Variants in LCT observed in about 807,000 individuals in gnomAD.
LCT encodes lactase, also known as lactase/phlorizin hydrolase.
LCT carries 90 observed loss-of-function variants against 173.0 expected under a neutral mutation model. The ratio of observed to expected loss-of-function variants is 0.52; its 90% CI spans 0.44 to 0.62. The LOEUF (loss-of-function observed/expected upper bound fraction) is 0.62. Among genes scored for constraint, LCT ranks in the 20% least tolerant of loss-of-function variants. The pLI, the probability that LCT is intolerant of heterozygous loss-of-function variation, is 0.00. For missense variants in LCT, 1,864 were observed against 2,431.4 expected, an observed-to-expected ratio of 0.77 and a Z score of 4.91; for synonymous variants, 853 against 957.6, an observed-to-expected ratio of 0.89 and a Z score of 2.02.
chr2:135,789,565 T>A lies in LCT; in HGVS notation c.5563+6A>T, dbSNP rs759732787. 3 of 1,609,190 alleles carry A rather than the reference T, an allele frequency of 1.9e-6. No homozygotes were observed. In the South Asian group the frequency reaches 3.3e-5, roughly 18 times the overall value. On this transcript the variant is annotated splice_donor_region_variant and intron_variant, in intron 16 of 16. Coordinates refer to ENST00000264162, the MANE Select transcript of LCT (RefSeq NM_002299.4). ...GGCTTTATTCCCTCCCAGAGCCACA[T>A]CTCACCTGGCTGGTGGAGACAAGCG... is the stretch of plus-strand genomic sequence containing the variant.
intron 1 of LCT, among the ~76,000 whole-genome samples, chr2:135,835,987 T>A (rs1483706330): frequency 3.8e-5 from 1 of 26,342 alleles, no homozygotes; most frequent in South Asian, 1.1e-3. Context: ...TATATATATA[T>A]ATATATATAT....
chr2:135,820,654 G>T (rs2077820338), intron 5 of LCT: 2 of 152,230 alleles, frequency 1.3e-5, no homozygotes, highest in African/African-American at 4.8e-5. Flanking sequence ...GTGACAAAGA[G>T]AACTCTAGTT....
At chr2:135,808,299 C>T (rs2077694039) in intron 8 of LCT, 144 bp downstream of exon 8, 2 of 815,730 alleles carry the variant, frequency 2.5e-6, no homozygotes. Context: ...AACATATAAC[C>T]CCCAAACAGA....
chr2:135,811,026 CAA>C (rs1017659333), intron 7 of LCT, among the ~76,000 whole-genome samples: 11 of 125,018 alleles, frequency 8.8e-5, no homozygotes, highest in Admixed American at 2.5e-4. Context: ...GACTCCGTCT[CAA>C]AAAAAAAAAA....
In LCT at chr2:135,795,044, C is replaced by CGT. The variant is rs35431508; in HGVS notation, c.4977-270_4977-269insAC. 1.7e-4 allele frequency among the ~76,000 whole-genome samples: 26 copies of CGT among 151,424 alleles called. No individual in the cohort carries two copies. In the East Asian group the frequency reaches 3.9e-3, roughly 23 times the overall value. ...ACACACACGCACCCACGCGCGCGCG[C>CGT]GCACACACACACACACACACACACA... On this transcript the variant is annotated intron_variant, in intron 13 of 16. Coordinates refer to ENST00000264162, the MANE Select transcript of LCT (RefSeq NM_002299.4).
intron 2 of LCT, among the ~76,000 whole-genome samples, chr2:135,831,832 G>A (rs1451399577): frequency 3.3e-5 from 5 of 152,190 alleles, no homozygotes; most frequent in Admixed American, 6.5e-5. Flanking sequence ...TACGGAGACC[G>A]GCGGTGGTTC....
chr2:135,804,148 G>A lies in LCT; in HGVS notation c.4465-20C>T, dbSNP rs1411856525. On this transcript the variant is annotated intron_variant, in intron 10 of 16. Transcript: ENST00000264162. ...GGTCACCTGGGAAGAAGCCAGATCA[G>A]CTGTTGCATCAGTCATGCTTTCCAT... 6 of 1,599,924 alleles carry A rather than the reference G, an allele frequency of 3.8e-6. No individual in the cohort carries two copies. Among genetic ancestry groups the A allele is most frequent in the Non-Finnish European group, 5.1e-6 (6 of 1,168,546 alleles).
At chr2:135,831,192 G>A (rs1216098022) in intron 2 of LCT, among the ~76,000 whole-genome samples, 3 of 152,210 alleles carry the variant, frequency 2.0e-5, no homozygotes, top group African/African-American at 7.2e-5. Flanking sequence ...GCATCAGGGT[G>A]AGTGAGGGAG....
chr2:135,810,038 TTTAA>T (rs1265125115), intron 7 of LCT, 45 bp from the exon 8 acceptor site: 1 of 1,365,174 alleles, frequency 7.3e-7, no homozygotes. Context: ...TATGGATTTA[TTTAA>T]TTGAGATGGG....
rs149670566 is a variant in LCT, at chr2:135,791,965, AACT to A, written c.5112-1087_5112-1085del. On this transcript the variant is annotated intron_variant, in intron 14 of 16. Transcript: ENST00000264162. ...TCACATTGTTAACTGTTGCTCCAAG[AACT>A]ACTGCTGGAACATACCAGAAAAACC... Among the ~76,000 whole-genome samples the A allele has an allele frequency of 3.2e-3, 487 of 152,360 alleles. 3 individuals carry two copies. The highest frequency in any genetic ancestry group is 0.011 in the African/African-American group (465 of 41,578).
intron 5 of LCT, among the ~76,000 whole-genome samples, chr2:135,821,148 T>G (rs2077825910): frequency 6.6e-6 from 1 of 152,246 alleles, no homozygotes; most frequent in East Asian, 1.9e-4. Flanking sequence ...CCCAAAGTTC[T>G]GGGATTACAG....
At chr2:135,805,720 G>A (rs1045833685) in intron 9 of LCT, among the ~76,000 whole-genome samples, 8 of 152,246 alleles carry the variant, frequency 5.3e-5, no homozygotes, top group Middle Eastern at 3.4e-3. Flanking sequence ...GGTCAATGAC[G>A]GACCTGATAT....
intron 1 of LCT, among the ~76,000 whole-genome samples, chr2:135,836,201 T>C (rs1679372115): frequency 6.6e-6 from 1 of 151,340 alleles, no homozygotes; most frequent in South Asian, 2.1e-4. Flanking sequence ...GTATTTTTAG[T>C]AGAGACGGGG....
At chr2:135,816,251 C>T (rs1019879987) in intron 6 of LCT, among the ~76,000 whole-genome samples, 1 of 152,192 alleles carries the variant, frequency 6.6e-6, no homozygotes, top group African/African-American at 2.4e-5. Flanking sequence ...TCCCTCTCTG[C>T]CTCCTCAGCT....
Position 135,810,143 on chromosome 2 carries a change from C to A in LCT, c.2354-150G>T, listed in dbSNP as rs369513478. ...GACTGACTACAGGAGTGAGCTAGTG[C>A]ACCATTATTTTATTTATTTATCTTT... On this transcript the variant is annotated intron_variant, in intron 7 of 16. Coordinates refer to ENST00000264162, the MANE Select transcript of LCT (RefSeq NM_002299.4). The A allele has an allele frequency of 1.2e-3, 777 of 631,170 alleles. 6 individuals are homozygous for A. The highest frequency in any genetic ancestry group is 9.8e-3 in the Admixed American group (348 of 35,608). The allele number at this position is 631,170 out of a possible 1,614,324, so 39.1% of individuals were successfully genotyped here. A position where few individuals can be genotyped will look rare whatever the true frequency, so the allele number is the denominator to read the frequency against.
chr2:135,788,241 T>A lies in LCT; in HGVS notation c.*83A>T, dbSNP rs1575328139. 3 of 976,286 alleles carry A rather than the reference T, an allele frequency of 3.1e-6. No homozygotes were observed. The East Asian group carries it at 7.1e-5, about 23-fold the overall frequency. The allele number at this position is 976,286 out of a possible 1,614,324, so 60.5% of individuals were successfully genotyped here. On this transcript the variant is annotated 3_prime_UTR_variant, in exon 17 of 17. Transcript: ENST00000264162. ...ATGGAGAAGTCCAGTATCAGCAGAG[T>A]CTAAGACCCTAAGGTGTTTGGTGGC...
At position 135,836,829 on chromosome 2, in the gene LCT, C is replaced by A. The variant is rs377420107; in HGVS notation, c.341G>T (p.Arg114Leu). 1 of 1,614,168 alleles carries A rather than the reference C, an allele frequency of 6.2e-7. No homozygotes were observed. Among genetic ancestry groups the A allele is most frequent in the South Asian group, 1.1e-5 (1 of 91,076 alleles). The change falls in exon 1 of 17, where the codon CGG becomes CTG. Residue 114 changes from arginine to leucine, a missense_variant. Physicochemically the swap from Arg to Leu is moderately radical, Grantham distance 102. This residue lies in a region of LCT where 412 missense variants were observed against 462.0 expected (regional missense o/e 0.89). Transcript: ENST00000264162. ...AGTCTTGAGGGCCTTGAGGAGTCGC[C>A]GGTAGCACTGCACTGTTTTCTCGTC... ...NPDEKTVQCY[R>L]RLLKALKTAR... is the part of the protein sequence containing the mutation.
rs1575337775 is a variant in LCT at position 135,807,396 on chromosome 2, G to T, written c.3905C>A (p.Ala1302Asp). ...HKTYINEALK[A>D]YRLDGIDLRG... ...AAGGTCTATACCATCGAGCCTGTAG[G>T]CTGGGAACATCCCAAAGGGAGCAGA... Residue 1302 changes from alanine (A) to aspartate (D), a missense_variant and splice_region_variant, in exon 9 of 17, where the codon GCC becomes GAC. Around this residue, in one of 4 missense-constraint regions of LCT, gnomAD observed 755 missense variants for 926.3 expected, o/e 0.82. Transcript: ENST00000264162. 1.9e-6 allele frequency: 3 copies of T among 1,614,102 alleles called. No homozygotes were observed. The highest frequency in any genetic ancestry group is 2.5e-6 in the Non-Finnish European group (3 of 1,180,010).
rs2077522332 is a variant in LCT at position 135,790,142 on chromosome 2, G to A, written c.5336-344C>T. On this transcript the variant is annotated intron_variant, in intron 15 of 16. Transcript: ENST00000264162. The surrounding 1 kb of genome is among the most constrained non-coding windows in gnomAD (Gnocchi z 4.1). ...TTAATGCTTCTCCCTGTAGAAAATA[G>A]CCCTTAGATAGAATATATTTCAGCT... 6.6e-6 allele frequency among the ~76,000 whole-genome samples: 1 copy of A among 152,184 alleles called. No individual in the cohort carries two copies. Among genetic ancestry groups the A allele is most frequent in the Non-Finnish European group, 1.5e-5 (1 of 68,034 alleles).
Sources: allele counts gnomAD v4.1 joint callset (sites outside exome capture counted in the v4.1 genomes callset), GRCh38; gene constraint gnomAD v4.1.1; regional missense constraint gnomAD v4.1.1; non-coding constraint Gnocchi (gnomAD v3.1); transcripts MANE v1.5; gene names NCBI Gene and HGNC (gene_info 2026-07-23, HGNC 2026-07-21).